PAPPA: variants seen among roughly 807,000 people sequenced by gnomAD.
PAPPA encodes the protein pappalysin-1.
Under a neutral mutation model 164.0 loss-of-function variants are expected in PAPPA, and 60 were observed. The ratio of observed to expected loss-of-function variants is 0.37; its 90% CI spans 0.30 to 0.45. PAPPA has a LOEUF of 0.45. Among genes scored for constraint, PAPPA ranks in the 20% least tolerant of loss-of-function variants. PAPPA has a pLI of 1.00. For missense variants in PAPPA, 1,782 were observed against 2,087.3 expected (o/e 0.85, Z 2.85); for synonymous variants, 875 against 814.1 (o/e 1.07, Z -1.27).
intron 1 of PAPPA, among the ~76,000 whole-genome samples, chr9:116,156,334 G>GTATATATATATATA (rs374567663): frequency 1.4e-5 from 2 of 139,590 alleles, no homozygotes; most frequent in African/African-American, 2.6e-5. Context: ...ATATATATGT[G>GTATATATATATATA]TATATATATA....
At chr9:116,194,897 C>G (rs1844085606) in intron 2 of PAPPA, among the ~76,000 whole-genome samples, 1 of 152,146 alleles carries the variant, frequency 6.6e-6, no homozygotes. Context: ...TATTTTCGTT[C>G]TCAAAATATT....
chr9:116,327,681 A>G (rs1008188437), intron 10 of PAPPA, among the ~76,000 whole-genome samples: 5 of 152,066 alleles, frequency 3.3e-5, no homozygotes, highest in African/African-American at 1.2e-4. Context: ...CCAACTTTGT[A>G]TCATGGGCAA....
intron 5 of PAPPA, among the ~76,000 whole-genome samples, chr9:116,226,406 G>A (rs1337059840): frequency 6.6e-6 from 1 of 152,192 alleles, no homozygotes; most frequent in Non-Finnish European, 1.5e-5. Context: ...AAGCCATAAG[G>A]AAGGCTTCAG....
chr9:116,168,928 A>T (rs1267911283), intron 1 of PAPPA, among the ~76,000 whole-genome samples: 6 of 152,148 alleles, frequency 3.9e-5, no homozygotes, highest in African/African-American at 1.4e-4. Flanking sequence ...TCTTTGCATT[A>T]TTCCTTTTAC....
At chr9:116,274,186 A>G (rs1845170045) in intron 9 of PAPPA, among the ~76,000 whole-genome samples, 1 of 152,184 alleles carries the variant, frequency 6.6e-6, no homozygotes, top group African/African-American at 2.4e-5. Flanking sequence ...ATGGAATACA[A>G]AACCATCAGT....
intron 2 of PAPPA, among the ~76,000 whole-genome samples, chr9:116,200,124 G>A (rs1228521825): frequency 1.3e-5 from 2 of 152,134 alleles, no homozygotes; most frequent in Non-Finnish European, 2.9e-5. Context: ...GTCCCCTCCA[G>A]CTTCATCTTC....
At chr9:116,215,799 G>T (rs1377865607) in intron 4 of PAPPA, among the ~76,000 whole-genome samples, 1 of 152,150 alleles carries the variant, frequency 6.6e-6, no homozygotes, top group Non-Finnish European at 1.5e-5. Context: ...CATAATTAGT[G>T]CTCAGTAAAT....
chr9:116,215,558 A>G (rs1335188358), intron 4 of PAPPA, among the ~76,000 whole-genome samples: 2 of 152,172 alleles, frequency 1.3e-5, no homozygotes, highest in South Asian at 2.1e-4. Context: ...ACATGGACAC[A>G]CAGAGGGGAA....
chr9:116,250,047 GT>G lies in PAPPA; in HGVS notation c.2732+14411del, dbSNP rs1564198602. 2.7e-3 allele frequency among the ~76,000 whole-genome samples: 384 copies of G among 141,560 alleles called. 11 individuals carry two copies. The East Asian group carries it at 0.068, about 25-fold the overall frequency. The allele number at this position is 141,560 out of a possible 152,430, so 92.9% of individuals were successfully genotyped here. ...TGTGTGTGTGTGTGTGTGTGTGTGT[GT>G]GTGTTTGGAGCAGGCAAACAAAGAC... On this transcript the variant is annotated intron_variant, in intron 7 of 21. Coordinates refer to ENST00000328252, the MANE Select transcript of PAPPA (RefSeq NM_002581.5).
intron 7 of PAPPA, among the ~76,000 whole-genome samples, chr9:116,236,032 C>T (rs1844661214): frequency 1.3e-5 from 2 of 151,956 alleles, no homozygotes. Flanking sequence ...ACAATTTATG[C>T]ATTTTGATTG....
intron 5 of PAPPA, among the ~76,000 whole-genome samples, 169 bp downstream of exon 5, chr9:116,220,298 A>T (rs898600383): frequency 2.0e-5 from 3 of 152,106 alleles, no homozygotes; most frequent in African/African-American, 7.2e-5. Flanking sequence ...GGAATAAATA[A>T]ATGGTCATTA....
At chr9:116,238,307 G>A (rs568865633) in intron 7 of PAPPA, among the ~76,000 whole-genome samples, 29 of 152,298 alleles carry the variant, frequency 1.9e-4, no homozygotes, top group Admixed American at 4.6e-4. Flanking sequence ...CCCCAGTCCA[G>A]CCTAGTGAAT....
At chr9:116,270,814 A>G (rs879535560) in intron 8 of PAPPA, among the ~76,000 whole-genome samples, 48 of 152,116 alleles carry the variant, frequency 3.2e-4, no homozygotes, top group Non-Finnish European at 5.7e-4. Context: ...AAACTTTCCA[A>G]TGGAAGGATG....
In PAPPA at chr9:116,211,679, G is replaced by C; in HGVS notation, c.1665G>C (p.Gly555=). The C allele has an allele frequency of 6.2e-7, 1 of 1,614,036 alleles. No homozygotes were observed. Among genetic ancestry groups the C allele is most frequent in the East Asian group, 2.2e-5 (1 of 44,872 alleles). The change falls in exon 4 of 22, where the codon GGG becomes GGC. Residue 555 remains glycine (G), a synonymous_variant. Transcript: ENST00000328252. ...ACCCATCTTTCTATGGCATGCCTGG[G>C]CACACCCACACCATGATCCATGAGA... The part of the protein sequence containing the change: ...VLNPSFYGMP[G]HTHTMIHEIG...
chr9:116,282,281 T>G (rs1845277105), intron 9 of PAPPA, among the ~76,000 whole-genome samples: 2 of 152,218 alleles, frequency 1.3e-5, no homozygotes, highest in African/African-American at 4.8e-5. Flanking sequence ...GTTGTTATAC[T>G]GTAATGTTTA....
intron 20 of PAPPA, among the ~76,000 whole-genome samples, chr9:116,379,758 C>T (rs1300021961): frequency 1.3e-5 from 2 of 152,064 alleles, no homozygotes. Context: ...AAATCAAATA[C>T]AAGAGGCTAT....
intron 9 of PAPPA, among the ~76,000 whole-genome samples, chr9:116,287,890 A>T (rs1335426892): frequency 6.6e-6 from 1 of 152,042 alleles, no homozygotes; most frequent in African/African-American, 2.4e-5. Context: ...ATAGCCAATG[A>T]CTCAATCTGC....
chr9:116,315,319 CTG>C (rs1367424538), intron 10 of PAPPA, among the ~76,000 whole-genome samples: 1 of 152,194 alleles, frequency 6.6e-6, no homozygotes, highest in Non-Finnish European at 1.5e-5. Context: ...TTCTGCTACT[CTG>C]TGCCTCCATA....
chr9:116,183,806 T>C (rs1843935658), intron 1 of PAPPA, among the ~76,000 whole-genome samples: 2 of 152,138 alleles, frequency 1.3e-5, no homozygotes, highest in Admixed American at 1.3e-4. Flanking sequence ...TTCTTAACTC[T>C]TTTGCAGAAT....
Sources: allele counts gnomAD v4.1 joint callset (sites outside exome capture counted in the v4.1 genomes callset), GRCh38; gene constraint gnomAD v4.1.1; transcripts MANE v1.5; gene names NCBI Gene and HGNC (gene_info 2026-07-23, HGNC 2026-07-21).